The following SLC5A11 variants were observed in gnomAD, a reference collection of about 807,000 sequenced individuals.
SLC5A11 encodes the protein sodium/myo-inositol cotransporter 2.
Under a neutral mutation model 69.8 loss-of-function variants are expected in SLC5A11, and 48 were observed. The observed-to-expected ratio is 0.69, with a 90% CI of 0.55 to 0.87. The LOEUF is 0.87. Ranked by LOEUF, SLC5A11 falls within the 40% of genes least tolerant of loss-of-function variation. The probability of loss-of-function intolerance (pLI) is 0.00; values close to 1 mark genes in which losing one functional copy is unlikely to be tolerated. For missense variants in SLC5A11, 784 were observed against 866.1 expected (o/e 0.91, Z 1.19); for synonymous variants, 319 against 342.4 (o/e 0.93, Z 0.75).
intron 12 of SLC5A11, among the ~76,000 whole-genome samples, chr16:24,907,428 C>T (rs1020088202): frequency 6.6e-6 from 1 of 152,120 alleles, no homozygotes; most frequent in African/African-American, 2.4e-5. Context: ...ATAATTTTAA[C>T]CCAGCTGGGC....
intron 9 of SLC5A11, among the ~76,000 whole-genome samples, chr16:24,895,614 G>T (rs967084808): frequency 1.5e-5 from 2 of 133,196 alleles, no homozygotes; most frequent in Admixed American, 7.9e-5. Context: ...GGGGAAGGTG[G>T]GGGAGGGAAG....
chr16:24,905,269 C>CAAAAAA (rs34703027), intron 10 of SLC5A11, among the ~76,000 whole-genome samples: 3 of 80,426 alleles, frequency 3.7e-5, no homozygotes, highest in Non-Finnish European at 4.3e-5. Flanking sequence ...ACTAAAAATA[C>CAAAAAA]AAAAAAAAAA....
chr16:24,875,818 A>C (rs568175886), intron 6 of SLC5A11, 87 bp downstream of exon 7: 257 of 1,062,732 alleles, frequency 2.4e-4, no homozygotes, highest in Non-Finnish European at 3.4e-4. Flanking sequence ...TCTCCTCGCT[A>C]TCCCCTTTCT....
At chr16:24,871,200 G>A (rs184373019) in intron 4 of SLC5A11, among the ~76,000 whole-genome samples, 12 of 152,286 alleles carry the variant, frequency 7.9e-5, no homozygotes, top group East Asian at 3.9e-4. Context: ...GCTCCAACAC[G>A]TATAAACTTC....
At chr16:24,878,602 G>A (rs1217695969) in intron 7 of SLC5A11, among the ~76,000 whole-genome samples, 2 of 152,108 alleles carry the variant, frequency 1.3e-5, no homozygotes, top group Admixed American at 1.3e-4. Context: ...ACATACACAG[G>A]TATGTGTATA....
intron 5 of SLC5A11, among the ~76,000 whole-genome samples, chr16:24,874,990 A>C (rs1166264791): frequency 6.6e-6 from 1 of 151,872 alleles, no homozygotes; most frequent in Non-Finnish European, 1.5e-5. Context: ...CTATTAGGTT[A>C]TATGTCTTTA....
chr16:24,902,649 G>A (rs1005603814), intron 10 of SLC5A11, among the ~76,000 whole-genome samples: 18 of 150,152 alleles, frequency 1.2e-4, no homozygotes, highest in African/African-American at 4.4e-4. Context: ...CTGGGTTGAA[G>A]CGATTCTCCT....
intron 1 of SLC5A11, among the ~76,000 whole-genome samples, chr16:24,849,594 ATAT>A (rs1354420001): frequency 4.3e-4 from 23 of 53,948 alleles, no homozygotes; most frequent in African/African-American, 1.4e-3. Context: ...AAAAAAAAAA[ATAT>A]ATATATATAT....
intron 1 of SLC5A11, among the ~76,000 whole-genome samples, chr16:24,853,624 G>A (rs1324994030): frequency 6.6e-6 from 1 of 152,172 alleles, no homozygotes; most frequent in Non-Finnish European, 1.5e-5. Context: ...AGACCAGCCA[G>A]GAATGGCCAC....
intron 2 of SLC5A11, among the ~76,000 whole-genome samples, chr16:24,860,271 A>C (rs2059709077): frequency 6.6e-6 from 1 of 152,040 alleles, no homozygotes; most frequent in African/African-American, 2.4e-5. Context: ...TGGGCGACAG[A>C]GTGAGATTCC....
exon 8 of SLC5A11, chr16:24,884,101 C>G: frequency 2.5e-6 from 4 of 1,614,092 alleles, no homozygotes; most frequent in African/African-American, 1.3e-5. Context: ...GCTGATCATG[C>G]TTATAGGAGC....
chr16:24,907,660 A>AC (rs2050167439), intron 12 of SLC5A11, among the ~76,000 whole-genome samples: 1 of 151,594 alleles, frequency 6.6e-6, no homozygotes, highest in Non-Finnish European at 1.5e-5. Flanking sequence ...GTGAGCCAAG[A>AC]TGACGCACTG....
chr16:24,847,148 TCTTTCTTTTC>T (rs889224798), intron 1 of SLC5A11, among the ~76,000 whole-genome samples: 7 of 152,134 alleles, frequency 4.6e-5, no homozygotes, highest in Non-Finnish European at 7.3e-5. Flanking sequence ...TCTTTCTTTT[TCTTTCTTTTC>T]CTTTCTTTTC....
At chr16:24,911,371 G>C in exon 16 of SLC5A11, 1 of 1,614,102 alleles carries the variant, frequency 6.2e-7, no homozygotes, top group Non-Finnish European at 8.5e-7. Flanking sequence ...AGGCCATCCT[G>C]TGGCTCTGTG....
In SLC5A11 at chr16:24,895,847, G is replaced by A. The variant is rs116348072; in HGVS notation, c.871-2127G>A. The stretch of plus-strand genomic sequence containing the variant: ...GGGCAACTGTCTCTGACAAGGTACA[G>A]TCCCATGGACTCTGCAGATGAAATA... On this transcript the variant is annotated intron_variant, in intron 9 of 15. Coordinates refer to ENST00000347898, the Ensembl canonical transcript of SLC5A11. 4.0e-3 allele frequency among the ~76,000 whole-genome samples: 606 copies of A among 152,288 alleles called. 2 individuals carry two copies. Among genetic ancestry groups the A allele is most frequent in the Middle Eastern group, 0.017 (5 of 294 alleles).
At chr16:24,860,698 GT>G (rs769815960) in intron 2 of SLC5A11, among the ~76,000 whole-genome samples, 1 of 151,654 alleles carries the variant, frequency 6.6e-6, no homozygotes, top group Non-Finnish European at 1.5e-5. Flanking sequence ...ATATCTCAAA[GT>G]TTTTTTTGTT....
intron 8 of SLC5A11, among the ~76,000 whole-genome samples, chr16:24,889,916 T>C (rs1310474346): frequency 1.3e-5 from 2 of 152,158 alleles, no homozygotes; most frequent in East Asian, 3.9e-4. Flanking sequence ...GATGGTTCAA[T>C]ATATTTGATT....
intron 14 of SLC5A11, among the ~76,000 whole-genome samples, chr16:24,909,484 G>GA (rs1007862151): frequency 2.0e-5 from 3 of 151,620 alleles, no homozygotes; most frequent in Admixed American, 2.0e-4. Flanking sequence ...TTAAAAAAAT[G>GA]AAAAAATTAG....
At chr16:24,860,248 C>CT (rs1179560790) in intron 2 of SLC5A11, among the ~76,000 whole-genome samples, 8 of 152,074 alleles carry the variant, frequency 5.3e-5, no homozygotes, top group African/African-American at 1.9e-4. Flanking sequence ...GATCGTGCCA[C>CT]TGCACTCCAG....
Sources: gnomAD v4.1 joint callset for allele counts (sites outside exome capture counted in the v4.1 genomes callset) on GRCh38, gnomAD v4.1.1 for gene constraint, MANE v1.5 for transcripts, NCBI Gene and HGNC (gene_info 2026-07-23, HGNC 2026-07-21) for gene names.